The following FGF14 variants were observed in gnomAD, a reference collection of about 807,000 sequenced individuals.
FGF14 encodes fibroblast growth factor homologous factor 4.
FGF14 carries 5 observed loss-of-function variants against 25.5 expected under a neutral mutation model. The ratio of observed to expected loss-of-function variants is 0.20; its 90% CI spans 0.10 to 0.41. FGF14 has a LOEUF of 0.41. Among genes scored for constraint, FGF14 ranks in the 10% least tolerant of loss-of-function variants. The pLI is 1.00. For missense variants in FGF14, 222 were observed against 320.1 expected (o/e 0.69, Z 2.34); for synonymous variants, 138 against 118.3 (o/e 1.17, Z -1.08).
At chr13:101,902,844 C>T (rs1180213803) in intron 1 of FGF14, among the ~76,000 whole-genome samples, 1 of 152,148 alleles carries the variant, frequency 6.6e-6, no homozygotes, top group Non-Finnish European at 1.5e-5. Context: ...TCAAAGGAGG[C>T]ACTTTTAATA....
chr13:101,937,379 A>G (rs1657399847), intron 1 of FGF14, among the ~76,000 whole-genome samples: 1 of 152,138 alleles, frequency 6.6e-6, no homozygotes, highest in African/African-American at 2.4e-5. Flanking sequence ...GGTGGGTCCT[A>G]CTGTAATCTG....
chr13:101,854,204 T>C (rs1485882671), intron 3 of FGF14, among the ~76,000 whole-genome samples: 1 of 152,116 alleles, frequency 6.6e-6, no homozygotes, highest in Non-Finnish European at 1.5e-5. Context: ...TTTTCTTTAT[T>C]TGAGATTATA....
intron 1 of FGF14, among the ~76,000 whole-genome samples, chr13:102,265,855 A>G (rs2052961752): frequency 6.6e-6 from 1 of 152,096 alleles, no homozygotes. Context: ...GCTTACTTTG[A>G]TTACTCTATT....
At chr13:101,991,402 A>G (rs1437189775) in intron 1 of FGF14, among the ~76,000 whole-genome samples, 1 of 152,278 alleles carries the variant, frequency 6.6e-6, no homozygotes, top group East Asian at 1.9e-4. Flanking sequence ...TTGTTGCTAG[A>G]TTAAGGAGAA....
At chr13:101,787,634 G>T (rs897874876) in intron 3 of FGF14, among the ~76,000 whole-genome samples, 4 of 152,126 alleles carry the variant, frequency 2.6e-5, no homozygotes, top group Non-Finnish European at 5.9e-5. Flanking sequence ...CATGTCAGCT[G>T]CATTTCTTTC....
At chr13:102,342,711 G>A (rs1040850458) in intron 1 of FGF14, among the ~76,000 whole-genome samples, 2 of 152,068 alleles carry the variant, frequency 1.3e-5, no homozygotes, top group African/African-American at 4.8e-5. Flanking sequence ...CAGGAGTCTA[G>A]CTAAAAAATG....
At chr13:102,325,010 C>T (rs2056377020) in intron 1 of FGF14, among the ~76,000 whole-genome samples, 1 of 152,034 alleles carries the variant, frequency 6.6e-6, no homozygotes. Flanking sequence ...CACACACATA[C>T]ATATGCACAC....
intron 1 of FGF14, among the ~76,000 whole-genome samples, chr13:102,107,847 G>C (rs1052766904): frequency 3.3e-5 from 5 of 152,180 alleles, no homozygotes; most frequent in African/African-American, 4.8e-5. Context: ...CATATGGCTT[G>C]ACTCTATCAT....
At chr13:102,084,103 C>A (rs2140210494) in intron 1 of FGF14, among the ~76,000 whole-genome samples, 1 of 152,116 alleles carries the variant, frequency 6.6e-6, no homozygotes, top group African/African-American at 2.4e-5. Flanking sequence ...CTGGAATGTG[C>A]TTTTCTCATA....
intron 1 of FGF14, among the ~76,000 whole-genome samples, chr13:102,285,903 G>A (rs2054071402): frequency 6.6e-6 from 1 of 152,192 alleles, no homozygotes. Context: ...GAGTTGCAGA[G>A]ATCGTAGTAC....
chr13:102,268,046 CCA>C (rs1481676117), intron 1 of FGF14, among the ~76,000 whole-genome samples: 1 of 151,908 alleles, frequency 6.6e-6, no homozygotes, highest in Non-Finnish European at 1.5e-5. Context: ...CAGAATAGGA[CCA>C]CACACATTTA....
chr13:102,029,609 G>C (rs2041110049), intron 1 of FGF14, among the ~76,000 whole-genome samples: 1 of 152,050 alleles, frequency 6.6e-6, no homozygotes, highest in East Asian at 1.9e-4. Flanking sequence ...TGATTTTGAA[G>C]AACTTAGCCC....
intron 1 of FGF14, among the ~76,000 whole-genome samples, chr13:102,322,686 C>A (rs2056291960): frequency 6.6e-6 from 1 of 152,100 alleles, no homozygotes; most frequent in Non-Finnish European, 1.5e-5. Context: ...CAATGTAAAA[C>A]ACAGGGCTGC....
At chr13:102,160,031 TCTTATTCAAGG>T (rs2047549586) in intron 1 of FGF14, among the ~76,000 whole-genome samples, 1 of 152,174 alleles carries the variant, frequency 6.6e-6, no homozygotes, top group African/African-American at 2.4e-5. Flanking sequence ...CAGTCTCATC[TCTTATTCAAGG>T]CTGTCTCCTC....
intron 1 of FGF14, among the ~76,000 whole-genome samples, chr13:102,360,485 T>C (rs1377522956): frequency 6.6e-6 from 1 of 152,148 alleles, no homozygotes; most frequent in African/African-American, 2.4e-5. Flanking sequence ...AGCTTGACTG[T>C]GTCCATTAAA....
At chr13:102,166,490 T>C (rs182573429) in intron 1 of FGF14, among the ~76,000 whole-genome samples, 28 of 152,294 alleles carry the variant, frequency 1.8e-4, no homozygotes, top group Admixed American at 1.8e-3. Flanking sequence ...CTCTGCCTTC[T>C]TGTTTCAGCT....
At chr13:102,107,208 G>C (rs2044967552) in intron 1 of FGF14, among the ~76,000 whole-genome samples, 1 of 152,140 alleles carries the variant, frequency 6.6e-6, no homozygotes, top group Admixed American at 6.5e-5. Context: ...GTTCAGTATA[G>C]AAATTTGGCA....
intron 1 of FGF14, among the ~76,000 whole-genome samples, chr13:101,998,898 C>T (rs1594943737): frequency 2.6e-5 from 4 of 152,312 alleles, no homozygotes; most frequent in South Asian, 2.1e-4. Context: ...GTCTGCTCTA[C>T]AGTATGTGCT....
At chr13:101,904,329 C>T (rs1026058961) in intron 1 of FGF14, among the ~76,000 whole-genome samples, 5 of 151,564 alleles carry the variant, frequency 3.3e-5, no homozygotes, top group African/African-American at 9.7e-5. Context: ...AGACAAAATG[C>T]AGGTGAAATT....
Sources: allele counts gnomAD v4.1 joint callset (sites outside exome capture counted in the v4.1 genomes callset), GRCh38; gene constraint gnomAD v4.1.1; transcripts MANE v1.5; gene names NCBI Gene and HGNC (gene_info 2026-07-23, HGNC 2026-07-21).